Variants in ANKIB1 observed in about 807,000 individuals in gnomAD.
The protein encoded by ANKIB1 is ankyrin repeat and IBR domain-containing protein 1.
ANKIB1 carries 43 observed loss-of-function variants against 122.1 expected under a neutral mutation model. That is an observed-to-expected ratio of 0.35 (90% CI 0.28 to 0.45). The LOEUF (loss-of-function observed/expected upper bound fraction) is 0.45, where lower values mean the gene tolerates loss of function less well. Ranked by LOEUF, ANKIB1 falls within the 20% of genes least tolerant of loss-of-function variation. The pLI is 1.00. For synonymous variants in ANKIB1, 390 were observed against 442.0 expected (o/e 0.88, Z 1.48); for missense variants, 992 against 1,329.5 (o/e 0.75, Z 3.95).
chr7:92,358,436 C>G (rs1803871925), intron 9 of ANKIB1, among the ~76,000 whole-genome samples: 1 of 152,150 alleles, frequency 6.6e-6, no homozygotes, highest in Non-Finnish European at 1.5e-5. Flanking sequence ...CTGTGTCCTC[C>G]TGTGAGGTTC....
At chr7:92,347,642 T>C (rs1292593015) in intron 7 of ANKIB1, among the ~76,000 whole-genome samples, 1 of 152,162 alleles carries the variant, frequency 6.6e-6, no homozygotes, top group Non-Finnish European at 1.5e-5. Flanking sequence ...ACAGATTAGA[T>C]AGAAATTATT....
In ANKIB1 at chr7:92,319,403, A is replaced by G. The variant is rs755070982; in HGVS notation, c.560A>G (p.Lys187Arg). Residue 187 changes from lysine (K) to arginine (R), a missense_variant, in exon 4 of 20, where the codon AAG (lysine) becomes AGG (arginine). Physicochemically the swap from Lys to Arg is conservative, Grantham distance 26 (BLOSUM62 2). Around this residue, in one of 4 missense-constraint regions of ANKIB1, gnomAD observed 521 missense variants for 777.7 expected, o/e 0.67. Transcript: ENST00000265742. ...NKDTPCDCAEKQHHKDLALNL... is the reference protein window; with the variant it reads ...NKDTPCDCAERQHHKDLALNL... ...GATACTCCTTGTGATTGTGCTGAAA[A>G]GCAACACCACAAAGATTTGGCCCTC... 1.2e-6 allele frequency: 2 copies of G among 1,613,416 alleles called. No homozygotes were observed. The highest frequency in any genetic ancestry group is 1.1e-5 in the South Asian group (1 of 90,994).
chr7:92,277,173 G>A (rs931244974), intron 1 of ANKIB1, among the ~76,000 whole-genome samples: 7 of 152,152 alleles, frequency 4.6e-5, no homozygotes, highest in Non-Finnish European at 1.0e-4. Flanking sequence ...TGTACAGCCT[G>A]CAGAACCATG....
chr7:92,310,578 G>C (rs1335231424), intron 3 of ANKIB1, among the ~76,000 whole-genome samples: 1 of 152,138 alleles, frequency 6.6e-6, no homozygotes, highest in Non-Finnish European at 1.5e-5. Context: ...AATAAATACA[G>C]TTGTCACTTG....
rs149496196 is a variant in ANKIB1, at chr7:92,363,849, A to G, written c.1486+1576A>G. Among the ~76,000 whole-genome samples the G allele has an allele frequency of 1.3e-3, 199 of 152,376 alleles. 1 individual carries two copies. Among genetic ancestry groups the G allele is most frequent in the Middle Eastern group, 3.4e-3 (1 of 294 alleles). ...TGACCCACGGAGAAGAGACTACCAT[A>G]TAAACCAAAATGCCACTTATTAGTT... On this transcript the variant is annotated intron_variant, in intron 10 of 19. Transcript: ENST00000265742.
In ANKIB1 at chr7:92,335,825, CTCTT is replaced by C. The variant is rs1404972257; in HGVS notation, c.788-7197_788-7194del. On this transcript the variant is annotated intron_variant, in intron 5 of 19. Coordinates refer to ENST00000265742, the MANE Select transcript of ANKIB1 (RefSeq NM_019004.2). Reference sequence around the variant, plus strand: ...CACTGTTTGTTTGTTTTCTGTTTGTCTCTTTATTTTTTGTTCTCTGTTCCTCCTT... The same window carrying C: ...CACTGTTTGTTTGTTTTCTGTTTGTCTATTTTTTGTTCTCTGTTCCTCCTT... Among the ~76,000 whole-genome samples the C allele has an allele frequency of 4.6e-5, 7 of 151,942 alleles. No individual in the cohort carries two copies. The East Asian group carries it at 1.4e-3, about 29-fold the overall frequency.
At chr7:92,367,499 T>G (rs1161342264) in intron 10 of ANKIB1, among the ~76,000 whole-genome samples, 5 of 152,224 alleles carry the variant, frequency 3.3e-5, no homozygotes, top group African/African-American at 1.2e-4. Context: ...ATTTTTACTT[T>G]GCATTTTATG....
chr7:92,319,639 T>A, intron 4 of ANKIB1, 127 bp downstream of exon 4: 1 of 929,652 alleles, frequency 1.1e-6, no homozygotes, highest in Non-Finnish European at 1.6e-6. Context: ...TATCCTGTCA[T>A]CTTCATAGCC....
At chr7:92,248,885 TTTC>T (rs1261330258) in intron 1 of ANKIB1, among the ~76,000 whole-genome samples, 13 of 128,872 alleles carry the variant, frequency 1.0e-4, no homozygotes, top group African/African-American at 3.3e-4. Context: ...TTTTCTTTTC[TTTC>T]TTTTTTTTTT....
Position 92,294,948 on chromosome 7 carries a change from C to A in ANKIB1, c.-31C>A, listed in dbSNP as rs372811260. 387 of 1,532,652 alleles carry A rather than the reference C, an allele frequency of 2.5e-4. No homozygotes were observed. Among genetic ancestry groups the A allele is most frequent in the Non-Finnish European group, 3.3e-4 (372 of 1,134,448 alleles). The allele number at this position is 1,532,652 out of a possible 1,614,324, so 94.9% of individuals were successfully genotyped here. A position where few individuals can be genotyped will look rare whatever the true frequency, so the allele number is the denominator to read the frequency against. On this transcript the variant is annotated 5_prime_UTR_variant, in exon 2 of 20. Transcript: ENST00000265742. ...GGCTGAAGATAGAAGGAAAAAAGTG[C>A]CACTGCCTATCAGAAAAAACAAAAC...
chr7:92,389,970 G>C lies in ANKIB1; in HGVS notation c.1907-1G>C. 6.3e-7 allele frequency: 1 copy of C among 1,581,164 alleles called. No homozygotes were observed. Among genetic ancestry groups the C allele is most frequent in the Non-Finnish European group, 8.5e-7 (1 of 1,170,020 alleles). On this transcript the variant is annotated splice_acceptor_variant, in intron 14 of 19. Coordinates refer to ENST00000265742, the MANE Select transcript of ANKIB1 (RefSeq NM_019004.2). LOFTEE classifies it high-confidence loss of function. ...TTCACTGTGCCTCAATTACTTTTTA[G>C]CTGAAGGAGGCTGTCCAGATACCAC...
chr7:92,270,406 A>G (rs1264943039), intron 1 of ANKIB1, among the ~76,000 whole-genome samples: 3 of 152,166 alleles, frequency 2.0e-5, no homozygotes, highest in Non-Finnish European at 4.4e-5. Flanking sequence ...TGAGCCAAAA[A>G]GACACTTGAG....
At chr7:92,308,528 T>C (rs1029241304) in intron 3 of ANKIB1, among the ~76,000 whole-genome samples, 1 of 152,154 alleles carries the variant, frequency 6.6e-6, no homozygotes, top group African/African-American at 2.4e-5. Context: ...CTTGGAATTT[T>C]AAAATGTGTA....
chr7:92,258,425 C>T (rs1009115993), intron 1 of ANKIB1, among the ~76,000 whole-genome samples: 2 of 152,090 alleles, frequency 1.3e-5, no homozygotes, highest in African/African-American at 2.4e-5. Flanking sequence ...TGGGCCTCAC[C>T]CCCCCAAATT....
chr7:92,366,017 G>C (rs1164667629), intron 10 of ANKIB1, among the ~76,000 whole-genome samples: 2 of 151,466 alleles, frequency 1.3e-5, no homozygotes, highest in African/African-American at 2.4e-5. Context: ...GGATGGTCTT[G>C]ATCTGACCTC....
intron 1 of ANKIB1, among the ~76,000 whole-genome samples, chr7:92,289,317 C>T (rs1463771302): frequency 1.3e-5 from 2 of 152,184 alleles, no homozygotes; most frequent in Non-Finnish European, 2.9e-5. Flanking sequence ...TTACAGTGTT[C>T]ATCTGTGTAT....
chr7:92,355,327 G>A (rs1803775857), intron 9 of ANKIB1, among the ~76,000 whole-genome samples: 1 of 151,958 alleles, frequency 6.6e-6, no homozygotes, highest in African/African-American at 2.4e-5. Context: ...GACACAAAGT[G>A]TCTCTCTTCT....
chr7:92,278,364 C>T (rs1801948003), intron 1 of ANKIB1, among the ~76,000 whole-genome samples: 1 of 152,162 alleles, frequency 6.6e-6, no homozygotes, highest in Non-Finnish European at 1.5e-5. Flanking sequence ...ATCATAGGCT[C>T]AGCAGTCGGT....
At chr7:92,275,732 A>G (rs117551793) in intron 1 of ANKIB1, among the ~76,000 whole-genome samples, 256 of 152,274 alleles carry the variant, frequency 1.7e-3, no homozygotes, top group Middle Eastern at 3.4e-3. Flanking sequence ...TCTTTCCTCC[A>G]CTTAGCCTAA....
Sources: allele counts gnomAD v4.1 joint callset (sites outside exome capture counted in the v4.1 genomes callset), GRCh38; gene constraint gnomAD v4.1.1; regional missense constraint gnomAD v4.1.1; transcripts MANE v1.5; gene names NCBI Gene and HGNC (gene_info 2026-07-23, HGNC 2026-07-21).